Variants in ELFN2 observed in about 807,000 individuals in gnomAD.
ELFN2 encodes protein phosphatase 1 regulatory subunit 29.
ELFN2 carries 17 observed loss-of-function variants against 45.5 expected under a neutral mutation model. The observed-to-expected ratio is 0.37, with a 90% confidence interval of 0.26 to 0.56. ELFN2 has a LOEUF of 0.56. Ranked by LOEUF, ELFN2 falls within the 20% of genes least tolerant of loss-of-function variation. The probability of loss-of-function intolerance (pLI) is 0.77; values close to 1 mark genes in which losing one functional copy is unlikely to be tolerated. For synonymous variants in ELFN2, 550 were observed against 551.5 expected, an observed-to-expected ratio of 1.00 and a Z score of 0.04; for missense variants, 922 against 1,183.2, an observed-to-expected ratio of 0.78 and a Z score of 3.24.
chr22:37,409,725 T>G (rs12628472), intron 2 of ELFN2, among the ~76,000 whole-genome samples: 25,917 of 152,196 alleles, frequency 0.17, 3,027 homozygotes, highest in African/African-American at 0.34. Flanking sequence ...GGAAATGTCC[T>G]TTCAAGAAAA....
intron 1 of ELFN2, among the ~76,000 whole-genome samples, chr22:37,358,198 G>A (rs766512530): frequency 2.6e-5 from 4 of 152,028 alleles, no homozygotes; most frequent in Non-Finnish European, 4.4e-5. Context: ...CATGGCCCAC[G>A]GCTGCATCGG....
chr22:37,403,579 C>A (rs763786366), intron 2 of ELFN2, among the ~76,000 whole-genome samples: 3 of 152,196 alleles, frequency 2.0e-5, no homozygotes, highest in Non-Finnish European at 2.9e-5. Context: ...AGCGAGAGGG[C>A]CTGGGAGGCT....
downstream of ELFN2, among the ~76,000 whole-genome samples, chr22:37,363,195 A>AT (rs369156146): frequency 9.1e-3 from 1,378 of 151,818 alleles, 22 homozygotes; most frequent in African/African-American, 0.031. Flanking sequence ...CCTCTTGTGA[A>AT]TTTTTTTTTC....
intron 1 of ELFN2, among the ~76,000 whole-genome samples, chr22:37,345,349 G>T (rs947342576): frequency 6.6e-6 from 1 of 152,142 alleles, no homozygotes; most frequent in African/African-American, 2.4e-5. Flanking sequence ...GATGATCTGG[G>T]TTCTCTCCCT....
chr22:37,373,457 C>A lies in ELFN2; in HGVS notation c.2078G>T (p.Gly693Val). Residue 693 changes from glycine to valine, a missense_variant, in exon 3 of 3, where the codon GGC becomes GTC. Physicochemically the swap from Gly to Val is moderately radical, Grantham distance 109. Around this residue, in one of 2 missense-constraint regions of ELFN2, gnomAD observed 564 missense variants for 642.8 expected, o/e 0.88. Coordinates refer to ENST00000402918, the MANE Select transcript of ELFN2 (RefSeq NM_052906.5). ...CGGCTTCACCTCCAGGTGGTGGATG[C>A]CCCCGCCCCCGCCGCTGCCCCCGCC... ...GSGGGSGGGG[G>V]IHHLEVKPAY... is the part of the protein sequence containing the mutation. The A allele has an allele frequency of 1.3e-6, 2 of 1,527,072 alleles. No individual in the cohort carries two copies. Among genetic ancestry groups the A allele is most frequent in the Non-Finnish European group, 1.8e-6 (2 of 1,139,582 alleles). 94.6% of individuals were successfully genotyped at this position (1,527,072 alleles called of 1,614,324 possible). A position where few individuals can be genotyped will look rare whatever the true frequency, so the allele number is the denominator to read the frequency against.
Position 37,373,751 on chromosome 22 carries a change from G to A in ELFN2, c.1784C>T (p.Ala595Val), listed in dbSNP as rs1222865829. ...CGAAAGGAAGCTGGGCCGCTCCAGG[G>A]CCCCGGGGCCAGTGGCTGAGGAGGC... ...AAASSATGPGALERPSFLSPP... is the reference protein window; with the variant it reads ...AAASSATGPGVLERPSFLSPP... Residue 595 changes from alanine to valine, a missense_variant, in exon 3 of 3, where the codon GCC (alanine) becomes GTC (valine). Ala to Val is a moderately conservative substitution (Grantham distance 64). This residue lies in a region of ELFN2 where 564 missense variants were observed against 642.8 expected (regional missense o/e 0.88). Coordinates refer to ENST00000402918, the MANE Select transcript of ELFN2 (RefSeq NM_052906.5). 6.3e-7 allele frequency: 1 copy of A among 1,576,040 alleles called. No individual in the cohort carries two copies. The highest frequency in any genetic ancestry group is 2.0e-5 in the Admixed American group (1 of 50,532).
intron 2 of ELFN2, among the ~76,000 whole-genome samples, chr22:37,392,561 A>G (rs1327167589): frequency 2.6e-5 from 4 of 151,576 alleles, no homozygotes; most frequent in East Asian, 3.9e-4. Flanking sequence ...CTCGTGATCC[A>G]CCCGCCTTGG....
rs994365366 is a variant in ELFN2, at chr22:37,349,330, G to T, written n.149-6627C>A. ...CCCCACAGGGGCAGGTAGAAGAGAGGCACCCGTGCACAAGGCCCAGCCCTG... is the reference window on the plus strand; with the variant it reads ...CCCCACAGGGGCAGGTAGAAGAGAGTCACCCGTGCACAAGGCCCAGCCCTG... On this transcript the variant is annotated intron_variant and non_coding_transcript_variant, in intron 1 of 2. Transcript: ENST00000452946. 2.0e-5 allele frequency among the ~76,000 whole-genome samples: 3 copies of T among 151,198 alleles called. 1 individual carries two copies. Among genetic ancestry groups the T allele is most frequent in the Non-Finnish European group, 4.5e-5 (3 of 67,362 alleles).
chr22:37,379,820 T>G (rs951319612), intron 2 of ELFN2, among the ~76,000 whole-genome samples: 4 of 152,106 alleles, frequency 2.6e-5, no homozygotes, highest in Non-Finnish European at 5.9e-5. Context: ...AGCTGCCCAG[T>G]GATCCCGCTG....
At chr22:37,362,830 A>C (rs1269868781) in intron 1 of ELFN2, among the ~76,000 whole-genome samples, 1 of 152,220 alleles carries the variant, frequency 6.6e-6, no homozygotes, top group Non-Finnish European at 1.5e-5. Flanking sequence ...AAACCCTCTT[A>C]AAGCTGCAGG....
chr22:37,382,884 A>G (rs1931828585), intron 2 of ELFN2, among the ~76,000 whole-genome samples: 1 of 151,956 alleles, frequency 6.6e-6, no homozygotes. Flanking sequence ...ATTACTAGAA[A>G]TTTCTTCTTC....
At chr22:37,359,218 C>G (rs1931022484) in intron 1 of ELFN2, among the ~76,000 whole-genome samples, 1 of 152,140 alleles carries the variant, frequency 6.6e-6, no homozygotes, top group African/African-American at 2.4e-5. Context: ...ATCATCTGGT[C>G]CAAATGAGGA....
At chr22:37,398,205 C>A (rs1308597852) in intron 2 of ELFN2, among the ~76,000 whole-genome samples, 1 of 152,150 alleles carries the variant, frequency 6.6e-6, no homozygotes, top group Non-Finnish European at 1.5e-5. Context: ...AGCGCTCAGG[C>A]CTGGGTAGAC....
chr22:37,374,745 C>T lies in ELFN2; in HGVS notation c.790G>A (p.Asp264Asn), dbSNP rs374681737. Residue 264 changes from aspartate (D) to asparagine (N), a missense_variant, in exon 3 of 3, where the codon GAC becomes AAC. Coordinates refer to ENST00000402918, the MANE Select transcript of ELFN2 (RefSeq NM_052906.5). The stretch of plus-strand genomic sequence containing the variant: ...TTCTCGTCTGGCTCCCTCTGGGCGT[C>T]GGTGGAGTAGGGCGTGGGGTGGCTC... ...PVSHPTPYST[D>N]AQREPDENSG... 8.1e-6 allele frequency: 13 copies of T among 1,610,966 alleles called. No individual in the cohort carries two copies. Among genetic ancestry groups the T allele is most frequent in the Non-Finnish European group, 1.1e-5 (13 of 1,179,020 alleles).
chr22:37,344,386 G>A (rs1930646197), intron 1 of ELFN2, among the ~76,000 whole-genome samples: 1 of 151,680 alleles, frequency 6.6e-6, no homozygotes, highest in East Asian at 1.9e-4. Context: ...CATACACCCA[G>A]GAGCCCTGAC....
chr22:37,416,960 C>T (rs909694168), intron 2 of ELFN2, among the ~76,000 whole-genome samples: 13 of 152,134 alleles, frequency 8.5e-5, no homozygotes, highest in Non-Finnish European at 1.8e-4. Context: ...CAACACTGTG[C>T]GCAGCCAGCC....
Position 37,370,876 on chromosome 22 carries a change from C to T in ELFN2, c.*2196G>A, listed in dbSNP as rs1290256359. ...TTTGCTCAGAAAAATACAGTAAAAT[C>T]GTCATGCAAATATAACAGGGAGTCT... On this transcript the variant is annotated 3_prime_UTR_variant, in exon 3 of 3. Coordinates refer to ENST00000402918, the MANE Select transcript of ELFN2 (RefSeq NM_052906.5). 6.6e-6 allele frequency: 1 copy of T among 151,876 alleles called. No individual in the cohort carries two copies. The highest frequency in any genetic ancestry group is 6.6e-5 in the Admixed American group (1 of 15,218). The allele number at this position is 151,876 out of a possible 1,614,324, so 9.4% of individuals were successfully genotyped here.
At chr22:37,398,819 T>C (rs1408587400) in intron 2 of ELFN2, among the ~76,000 whole-genome samples, 2 of 151,936 alleles carry the variant, frequency 1.3e-5, no homozygotes, top group Non-Finnish European at 2.9e-5. Context: ...TGGTGCGGGA[T>C]CTCCTAGGCT....
intron 2 of ELFN2, among the ~76,000 whole-genome samples, chr22:37,377,788 C>T (rs1268417460): frequency 6.6e-6 from 1 of 152,182 alleles, no homozygotes; most frequent in East Asian, 1.9e-4. Flanking sequence ...GGAAGGGGTG[C>T]CCAGGCAGCA....
Sources: allele counts gnomAD v4.1 joint callset (sites outside exome capture counted in the v4.1 genomes callset), GRCh38; gene constraint gnomAD v4.1.1; regional missense constraint gnomAD v4.1.1; transcripts MANE v1.5; gene names NCBI Gene and HGNC (gene_info 2026-07-23, HGNC 2026-07-21).